The following GPNMB variants were observed in gnomAD, a reference collection of about 807,000 sequenced individuals.
GPNMB encodes transmembrane glycoprotein NMB.
GPNMB carries 71 observed loss-of-function variants against 57.3 expected under a neutral mutation model. That is an observed-to-expected ratio of 1.24 (90% CI 1.02 to 1.51). The LOEUF is 1.51. Ranked by LOEUF, GPNMB falls within the 40% of genes most tolerant of loss-of-function variation. The probability of loss-of-function intolerance (pLI) is 0.00; values close to 1 mark genes in which losing one functional copy is unlikely to be tolerated. For missense variants in GPNMB, 677 were observed against 691.9 expected, an observed-to-expected ratio of 0.98 and a Z score of 0.24; for synonymous variants, 253 against 263.2, an observed-to-expected ratio of 0.96 and a Z score of 0.38.
intron 10 of GPNMB, 43 bp downstream of exon 10, chr7:23,273,657 G>A (rs369707456): frequency 6.7e-6 from 8 of 1,199,942 alleles, no homozygotes; most frequent in Non-Finnish European, 8.7e-6. Context: ...ATAGTGTATT[G>A]TCAAAAGTGA....
intron 4 of GPNMB, among the ~76,000 whole-genome samples, chr7:23,258,225 A>G (rs1782828813): frequency 1.3e-5 from 2 of 152,260 alleles, no homozygotes; most frequent in African/African-American, 4.8e-5. Flanking sequence ...CTACCAATCA[A>G]GCAGCCTCCA....
chr7:23,254,456 G>A, intron 3 of GPNMB, 144 bp downstream of exon 3: 4 of 639,196 alleles, frequency 6.3e-6, no homozygotes, highest in Non-Finnish European at 1.0e-5. Context: ...GTGAGTGTGT[G>A]GTCCTACCCA....
At chr7:23,252,790 C>A (rs1782688945) in intron 1 of GPNMB, among the ~76,000 whole-genome samples, 1 of 152,110 alleles carries the variant, frequency 6.6e-6, no homozygotes, top group African/African-American at 2.4e-5. Flanking sequence ...AAACACTCTA[C>A]CCAACAAATG....
At chr7:23,265,060 T>C (rs1489022811) in intron 6 of GPNMB, among the ~76,000 whole-genome samples, 1 of 152,238 alleles carries the variant, frequency 6.6e-6, no homozygotes, top group Non-Finnish European at 1.5e-5. Context: ...CAGTTCTTCC[T>C]GCTGGTAAAC....
At chr7:23,247,540 A>C (rs551790489) in intron 1 of GPNMB, among the ~76,000 whole-genome samples, 1 of 152,344 alleles carries the variant, frequency 6.6e-6, no homozygotes, top group South Asian at 2.1e-4. Context: ...CCTTGTTTTA[A>C]AAGTTCCTCT....
At chr7:23,258,800 A>C (rs1055465441) in intron 4 of GPNMB, among the ~76,000 whole-genome samples, 2 of 152,230 alleles carry the variant, frequency 1.3e-5, no homozygotes, top group African/African-American at 4.8e-5. Flanking sequence ...TCTCAACGTG[A>C]AGGAGGATTC....
intron 7 of GPNMB, among the ~76,000 whole-genome samples, chr7:23,266,927 C>G (rs1448876263): frequency 6.6e-6 from 1 of 152,216 alleles, no homozygotes; most frequent in African/African-American, 2.4e-5. Flanking sequence ...TAAAGGAAGG[C>G]TAGCATCGAG....
At chr7:23,260,430 A>C (rs199351) in intron 5 of GPNMB, 26 bp from the exon 6 acceptor site, 663,377 of 1,552,218 alleles carry the variant, frequency 0.43, 151,174 homozygotes, top group African/African-American at 0.88. Flanking sequence ...TGCATTCTTT[A>C]TTTCTTTGGG....
rs1782548702 is a variant in GPNMB, at chr7:23,247,074, G to C, written c.70+147G>C. 8.8e-6 allele frequency: 6 copies of C among 679,338 alleles called. No individual in the cohort carries two copies. The South Asian group carries it at 9.9e-5, about 11-fold the overall frequency. The allele number at this position is 679,338 out of a possible 1,614,324, so 42.1% of individuals were successfully genotyped here. A position where few individuals can be genotyped will look rare whatever the true frequency, so the allele number is the denominator to read the frequency against. On this transcript the variant is annotated intron_variant, in intron 1 of 10. Transcript: ENST00000258733. ...TCACTCATCTCTTCTTCTGCAAACT[G>C]TTGGGAAGGCTGAAACTACAGCAAA...
intron 3 of GPNMB, among the ~76,000 whole-genome samples, chr7:23,255,157 T>TAC (rs1782746353): frequency 6.6e-6 from 1 of 152,182 alleles, no homozygotes; most frequent in South Asian, 2.1e-4. Flanking sequence ...TAGCTGGGAT[T>TAC]ACAGGCACCC....
rs748648530 is a variant in GPNMB, at chr7:23,260,489, A to G, written c.734A>G (p.Lys245Arg). ...QIPVFVTMFQ[K>R]NDRNSSDETF... ...CCTGTGTTTGTGACTATGTTCCAGA[A>G]GAACGATCGAAATTCATCCGACGAA... is the stretch of plus-strand genomic sequence containing the variant. The change falls in exon 6 of 11, where the codon AAG becomes AGG. Residue 245 changes from lysine to arginine, a missense_variant. Transcript: ENST00000258733. The G allele has an allele frequency of 6.2e-6, 10 of 1,613,698 alleles. No individual in the cohort carries two copies. The Admixed American group carries it at 6.7e-5, about 11-fold the overall frequency.
At chr7:23,266,030 G>T (rs534549113) in intron 6 of GPNMB, 1 of 156,268 alleles carries the variant, frequency 6.4e-6, no homozygotes, top group South Asian at 1.9e-4. Context: ...CTCACTGCAA[G>T]CTCCGCCTCC....
chr7:23,260,189 T>G, intron 5 of GPNMB, 51 bp downstream of exon 5: 1 of 1,587,354 alleles, frequency 6.3e-7, no homozygotes, highest in Non-Finnish European at 8.6e-7. Context: ...TCTGTTGACG[T>G]CAATGGGTTA....
chr7:23,261,172 A>G (rs1389724923), intron 6 of GPNMB, among the ~76,000 whole-genome samples: 3 of 151,704 alleles, frequency 2.0e-5, no homozygotes, highest in Non-Finnish European at 4.4e-5. Context: ...CCTCTCCCCC[A>G]CTAATTTCTT....
At chr7:23,259,261 C>G (rs1782854000) in intron 4 of GPNMB, among the ~76,000 whole-genome samples, 1 of 152,170 alleles carries the variant, frequency 6.6e-6, no homozygotes, top group Admixed American at 6.5e-5. Context: ...TCTCAGCTCA[C>G]TGGAATCCCC....
At chr7:23,268,119 G>A in intron 8 of GPNMB, 131 bp downstream of exon 8, 1 of 640,546 alleles carries the variant, frequency 1.6e-6, no homozygotes, top group Non-Finnish European at 2.8e-6. Context: ...CCTATTTACT[G>A]GTAACCCTAG....
In GPNMB at chr7:23,260,427, T is replaced by C. The variant is rs1197972877; in HGVS notation, c.701-29T>C. 1.9e-6 allele frequency: 3 copies of C among 1,540,242 alleles called. No homozygotes were observed. In the East Asian group the frequency reaches 6.8e-5, roughly 35 times the overall value. ...CTTACAATCAAGCAATCATGCATTC[T>C]TTATTTCTTTGGGGGATGTATCTTT... On this transcript the variant is annotated intron_variant, in intron 5 of 10. Transcript: ENST00000258733.
chr7:23,249,041 T>C (rs1341065753), intron 1 of GPNMB, among the ~76,000 whole-genome samples: 1 of 152,204 alleles, frequency 6.6e-6, no homozygotes, highest in Non-Finnish European at 1.5e-5. Flanking sequence ...CCTCCCAGAA[T>C]GCTAGGACTA....
At chr7:23,271,234 G>A (rs1341669012) in intron 9 of GPNMB, among the ~76,000 whole-genome samples, 3 of 152,154 alleles carry the variant, frequency 2.0e-5, no homozygotes, top group African/African-American at 7.2e-5. Flanking sequence ...GAGCTTGGGC[G>A]ATAATGCTCA....
Sources: gnomAD v4.1 joint callset for allele counts (sites outside exome capture counted in the v4.1 genomes callset) on GRCh38, gnomAD v4.1.1 for gene constraint, MANE v1.5 for transcripts, NCBI Gene and HGNC (gene_info 2026-07-23, HGNC 2026-07-21) for gene names.